CEP76: variants seen among roughly 807,000 people sequenced by gnomAD.
CEP76 encodes the protein centrosomal protein of 76 kDa.
CEP76 carries 55 observed loss-of-function variants against 83.3 expected under a neutral mutation model. The observed-to-expected ratio is 0.66, with a 90% CI of 0.53 to 0.83. CEP76 has a LOEUF of 0.83. Among genes scored for constraint, CEP76 ranks in the 40% least tolerant of loss-of-function variants. The probability of loss-of-function intolerance (pLI) is 0.00; values close to 1 mark genes in which losing one functional copy is unlikely to be tolerated. For missense variants in CEP76, 694 were observed against 799.5 expected, an observed-to-expected ratio of 0.87 and a Z score of 1.59; for synonymous variants, 270 against 274.5, an observed-to-expected ratio of 0.98 and a Z score of 0.16.
At chr18:12,701,505 T>C (rs540284762) in intron 1 of CEP76, among the ~76,000 whole-genome samples, 46 of 152,102 alleles carry the variant, frequency 3.0e-4, no homozygotes, top group Non-Finnish European at 5.4e-4. Context: ...AGCCAACTTA[T>C]TTACCCTTTA....
intron 7 of CEP76, among the ~76,000 whole-genome samples, chr18:12,689,661 TTC>T (rs1255036044): frequency 3.9e-5 from 6 of 152,174 alleles, no homozygotes; most frequent in African/African-American, 7.2e-5. Flanking sequence ...ATCCTGCCAT[TTC>T]TCTGATTCAC....
downstream of CEP76, among the ~76,000 whole-genome samples, chr18:12,669,146 ACT>A (rs942640530): frequency 7.7e-6 from 1 of 130,708 alleles, no homozygotes; most frequent in African/African-American, 2.9e-5. Context: ...ACAGAGTTTC[ACT>A]GTTTCCCAAG....
intron 10 of CEP76, among the ~76,000 whole-genome samples, chr18:12,676,673 A>G (rs767491610): frequency 3.9e-5 from 6 of 152,212 alleles, no homozygotes; most frequent in Non-Finnish European, 5.9e-5. Context: ...AAAAAGTAAT[A>G]AGGGGCATTC....
intron 10 of CEP76, among the ~76,000 whole-genome samples, chr18:12,676,857 A>G (rs1416778615): frequency 6.6e-6 from 1 of 152,212 alleles, no homozygotes. Flanking sequence ...AACATGTTTG[A>G]TAAATCAGTT....
chr18:12,676,085 T>C (rs2039120104), intron 10 of CEP76, among the ~76,000 whole-genome samples: 1 of 152,130 alleles, frequency 6.6e-6, no homozygotes, highest in South Asian at 2.1e-4. Context: ...ATTATCATAA[T>C]GGATCTTTGG....
At chr18:12,669,929 G>A (rs546452769), downstream of CEP76, among the ~76,000 whole-genome samples, 537 of 56,976 alleles carry the variant, frequency 9.4e-3, 2 homozygotes, top group Non-Finnish European at 0.012. Context: ...CCCAGGAGGC[G>A]GAGGTTGCGG....
intron 8 of CEP76, among the ~76,000 whole-genome samples, chr18:12,682,113 G>A (rs1300580920): frequency 6.6e-6 from 1 of 152,088 alleles, no homozygotes; most frequent in Non-Finnish European, 1.5e-5. Context: ...AAGACTACAC[G>A]CGAAAGCAAA....
chr18:12,668,012 C>G (rs2038840009), downstream of CEP76, among the ~76,000 whole-genome samples: 1 of 151,978 alleles, frequency 6.6e-6, no homozygotes, highest in South Asian at 2.1e-4. Context: ...CGCCTGTAAT[C>G]CCAGCACTTT....
At position 12,699,829 on chromosome 18, in the gene CEP76, C is replaced by A; in HGVS notation, c.295+1G>T. ...CTAAATTAATGTTAAAATATACATA[C>A]TTTTTTTTAATGTCGATTGTCTATC... is the stretch of plus-strand genomic sequence containing the variant. On this transcript the variant is annotated splice_donor_variant, in intron 3 of 11. Coordinates refer to ENST00000262127, the MANE Select transcript of CEP76 (RefSeq NM_024899.4). LOFTEE classifies it high-confidence loss of function. 6.6e-7 allele frequency: 1 copy of A among 1,510,052 alleles called. No individual in the cohort carries two copies. Among genetic ancestry groups the A allele is most frequent in the Admixed American group, 1.9e-5 (1 of 53,364 alleles). 93.5% of individuals were successfully genotyped at this position (1,510,052 alleles called of 1,614,324 possible). A position where few individuals can be genotyped will look rare whatever the true frequency, so the allele number is the denominator to read the frequency against.
At chr18:12,690,655 C>T (rs2039721800) in intron 7 of CEP76, among the ~76,000 whole-genome samples, 1 of 152,046 alleles carries the variant, frequency 6.6e-6, no homozygotes, top group Non-Finnish European at 1.5e-5. Context: ...CGGGGTTTCA[C>T]CGTGTTAGCC....
intron 10 of CEP76, among the ~76,000 whole-genome samples, chr18:12,677,269 A>G (rs1039495733): frequency 6.6e-6 from 1 of 151,918 alleles, no homozygotes; most frequent in Non-Finnish European, 1.5e-5. Flanking sequence ...GTGAAACCCT[A>G]TCTCTACAAA....
intron 7 of CEP76, among the ~76,000 whole-genome samples, chr18:12,688,978 G>GT (rs1724255703): frequency 6.6e-6 from 1 of 152,110 alleles, no homozygotes; most frequent in African/African-American, 2.4e-5. Flanking sequence ...GCCAGGCATG[G>GT]TGGCACGTGC....
intron 10 of CEP76, 47 bp downstream of exon 10, chr18:12,678,062 A>G (rs754777943): frequency 6.7e-7 from 1 of 1,481,932 alleles, no homozygotes; most frequent in East Asian, 2.3e-5. Flanking sequence ...AGTTAAATAC[A>G]TAAATGAAAA....
At chr18:12,680,610 A>C in intron 9 of CEP76, 52 bp downstream of exon 9, 19 of 1,398,568 alleles carry the variant, frequency 1.4e-5, no homozygotes, top group Admixed American at 2.3e-5. Context: ...AAAAAAAAAA[A>C]AAAAAAACTT....
chr18:12,662,142 G>T (rs1242914428), exon 13 of CEP76: 4 of 448,140 alleles, frequency 8.9e-6, no homozygotes, highest in Non-Finnish European at 1.3e-5. Flanking sequence ...GACACTTCTG[G>T]ACAAGTGCTC....
chr18:12,682,892 G>A (rs1163598329), intron 8 of CEP76, among the ~76,000 whole-genome samples: 3 of 151,970 alleles, frequency 2.0e-5, no homozygotes, highest in Admixed American at 1.3e-4. Flanking sequence ...AAAGTGCTGC[G>A]ATTACAGGCA....
intron 5 of CEP76, among the ~76,000 whole-genome samples, chr18:12,696,608 G>T (rs1386485952): frequency 6.6e-6 from 1 of 152,274 alleles, no homozygotes; most frequent in South Asian, 2.1e-4. Flanking sequence ...TCCATTATAT[G>T]TTATAGATAA....
chr18:12,678,008 C>G (rs2039206040), intron 10 of CEP76, 101 bp downstream of exon 10: 1 of 855,960 alleles, frequency 1.2e-6, no homozygotes, highest in African/African-American at 1.7e-5. Context: ...TTGTTTTGTT[C>G]AGGGCTAGAA....
intron 5 of CEP76, among the ~76,000 whole-genome samples, chr18:12,695,824 A>G (rs920004655): frequency 1.3e-5 from 2 of 151,556 alleles, no homozygotes; most frequent in African/African-American, 4.9e-5. Context: ...TTCAAAGTCA[A>G]AGCAACTGTT....
Sources: allele counts gnomAD v4.1 joint callset (sites outside exome capture counted in the v4.1 genomes callset), GRCh38; gene constraint gnomAD v4.1.1; transcripts MANE v1.5; gene names NCBI Gene and HGNC (gene_info 2026-07-23, HGNC 2026-07-21).